NR3C2: variants seen among roughly 807,000 people sequenced by gnomAD.
NR3C2 encodes the protein nuclear receptor subfamily 3 group C member 2, also known as mineralocorticoid receptor.
NR3C2 carries 15 observed loss-of-function variants against 86.4 expected under a neutral mutation model. The ratio of observed to expected loss-of-function variants is 0.17; its 90% CI spans 0.12 to 0.27. The LOEUF is 0.27. Among genes scored for constraint, NR3C2 ranks in the 10% least tolerant of loss-of-function variants. The probability of loss-of-function intolerance (pLI) is 1.00; values close to 1 mark genes in which losing one functional copy is unlikely to be tolerated. For missense variants in NR3C2, 960 were observed against 1,195.6 expected, an observed-to-expected ratio of 0.80 and a Z score of 2.91; for synonymous variants, 458 against 450.5, an observed-to-expected ratio of 1.02 and a Z score of -0.21.
intron 2 of NR3C2, among the ~76,000 whole-genome samples, chr4:148,410,556 T>TA: frequency 6.6e-6 from 1 of 152,298 alleles, no homozygotes; most frequent in East Asian, 1.9e-4. Flanking sequence ...TGCAGAAGCT[T>TA]AAATCAAAGT....
chr4:148,353,947 C>A (rs1400640074), intron 2 of NR3C2, among the ~76,000 whole-genome samples: 1 of 152,134 alleles, frequency 6.6e-6, no homozygotes, highest in Non-Finnish European at 1.5e-5. Context: ...ACCTCTTTCA[C>A]CATCCCTTAA....
In NR3C2 at chr4:148,328,222, T is replaced by C. The variant is rs72656812; in HGVS notation, c.1758-68105A>G. Among the ~76,000 whole-genome samples, 1,414 of 152,190 alleles carry C rather than the reference T, an allele frequency of 9.3e-3. 14 individuals are homozygous for C. The highest frequency in any genetic ancestry group is 0.013 in the Non-Finnish European group (867 of 68,012). On this transcript the variant is annotated intron_variant, in intron 2 of 8. Transcript: ENST00000358102. ...CCTGTAGCAGCATAAACCCACATAG[T>C]ACAGTGGCATGAAATGGCTGCAGAT...
intron 3 of NR3C2, among the ~76,000 whole-genome samples, chr4:148,236,435 A>G (rs1301753470): frequency 2.6e-5 from 4 of 152,142 alleles, no homozygotes; most frequent in Non-Finnish European, 5.9e-5. Flanking sequence ...GTGAAAAGAT[A>G]ACTTTAGAAT....
chr4:148,177,617 G>C (rs534664486), intron 4 of NR3C2, among the ~76,000 whole-genome samples: 1 of 152,300 alleles, frequency 6.6e-6, no homozygotes, highest in South Asian at 2.1e-4. Context: ...TTCACAGAAA[G>C]TAAGTGAATG....
chr4:148,304,909 T>C (rs78842947), intron 2 of NR3C2, among the ~76,000 whole-genome samples: 1 of 150,234 alleles, frequency 6.7e-6, no homozygotes, highest in Non-Finnish European at 1.5e-5. Flanking sequence ...TTTTTTTTTT[T>C]CCTGAGAGAT....
At chr4:148,125,395 G>A (rs1175031314) in intron 6 of NR3C2, among the ~76,000 whole-genome samples, 7 of 152,198 alleles carry the variant, frequency 4.6e-5, no homozygotes, top group Non-Finnish European at 1.0e-4. Context: ...TGCTGGCCTT[G>A]TTGGAGTCTA....
chr4:148,284,048 T>C (rs1473603444), intron 2 of NR3C2, among the ~76,000 whole-genome samples: 3 of 152,082 alleles, frequency 2.0e-5, no homozygotes, highest in Non-Finnish European at 4.4e-5. Flanking sequence ...GATAAGTCTA[T>C]AAAGAAGAAA....
At chr4:148,421,476 G>A (rs544372063) in intron 2 of NR3C2, among the ~76,000 whole-genome samples, 88 of 152,258 alleles carry the variant, frequency 5.8e-4, no homozygotes, top group African/African-American at 1.8e-3. Context: ...TTTTAAAGAC[G>A]AGTAACTGAA....
intron 2 of NR3C2, among the ~76,000 whole-genome samples, chr4:148,302,192 A>C (rs1400975576): frequency 6.6e-6 from 1 of 152,226 alleles, no homozygotes; most frequent in African/African-American, 2.4e-5. Flanking sequence ...GGAGACTGTG[A>C]CATTGGAATA....
rs112917632 is a variant in NR3C2 at position 148,085,465 on chromosome 4, C to T, written c.2800-3966G>A. On this transcript the variant is annotated intron_variant, in intron 8 of 8. Transcript: ENST00000358102. The stretch of plus-strand genomic sequence containing the variant: ...CCAATGAGAGCAAAGACACAATGTA[C>T]CAGAATCTGTGGGACACAGCTAAAG... 4.6e-5 allele frequency among the ~76,000 whole-genome samples: 7 copies of T among 152,238 alleles called. 1 individual carries two copies. Among genetic ancestry groups the T allele is most frequent in the African/African-American group, 1.7e-4 (7 of 41,542 alleles).
At chr4:148,378,213 G>A (rs1355923865) in intron 2 of NR3C2, among the ~76,000 whole-genome samples, 1 of 152,102 alleles carries the variant, frequency 6.6e-6, no homozygotes, top group Non-Finnish European at 1.5e-5. Flanking sequence ...ATAACAATAA[G>A]AAAACATTCA....
chr4:148,119,890 C>T (rs192199974), intron 7 of NR3C2, among the ~76,000 whole-genome samples: 64 of 152,224 alleles, frequency 4.2e-4, no homozygotes, highest in Non-Finnish European at 2.5e-4. Context: ...CCCAATCCTA[C>T]CATACACATA....
chr4:148,165,010 C>T (rs1734818976), intron 4 of NR3C2, among the ~76,000 whole-genome samples: 1 of 152,122 alleles, frequency 6.6e-6, no homozygotes, highest in Non-Finnish European at 1.5e-5. Flanking sequence ...GCAGGGTCCA[C>T]ATCAAGCAAA....
intron 2 of NR3C2, among the ~76,000 whole-genome samples, chr4:148,311,561 C>T (rs992280422): frequency 1.3e-5 from 2 of 152,226 alleles, no homozygotes; most frequent in African/African-American, 4.8e-5. Context: ...AAGTGAATTA[C>T]TGCCAATAGT....
chr4:148,429,636 A>T (rs529655413), intron 2 of NR3C2, among the ~76,000 whole-genome samples: 1 of 152,346 alleles, frequency 6.6e-6, no homozygotes, highest in South Asian at 2.1e-4. Context: ...CTTACTATAT[A>T]AGGAACAAAA....
intron 6 of NR3C2, among the ~76,000 whole-genome samples, chr4:148,135,508 G>A (rs943092028): frequency 1.3e-5 from 2 of 152,124 alleles, no homozygotes; most frequent in Non-Finnish European, 2.9e-5. Flanking sequence ...CTCTAGGACT[G>A]TAAGAAAATA....
At chr4:148,337,734 T>C (rs1393443797) in intron 2 of NR3C2, among the ~76,000 whole-genome samples, 1 of 152,192 alleles carries the variant, frequency 6.6e-6, no homozygotes, top group Non-Finnish European at 1.5e-5. Flanking sequence ...AAATATATGG[T>C]ACATTTCTAA....
intron 6 of NR3C2, among the ~76,000 whole-genome samples, chr4:148,139,014 C>A (rs573452386): frequency 2.0e-5 from 3 of 152,220 alleles, no homozygotes; most frequent in African/African-American, 7.2e-5. Context: ...CAGATGTGGG[C>A]CCCTTGATCT....
intron 3 of NR3C2, among the ~76,000 whole-genome samples, chr4:148,207,727 C>T (rs1737074027): frequency 6.6e-6 from 1 of 152,156 alleles, no homozygotes; most frequent in Non-Finnish European, 1.5e-5. Context: ...GCCAACAGTA[C>T]AGTAGTCTCC....
Sources: gnomAD v4.1 joint callset for allele counts (sites outside exome capture counted in the v4.1 genomes callset) on GRCh38, gnomAD v4.1.1 for gene constraint, MANE v1.5 for transcripts, NCBI Gene and HGNC (gene_info 2026-07-23, HGNC 2026-07-21) for gene names.